CCDC13: variants seen among roughly 807,000 people sequenced by gnomAD.
CCDC13 encodes the protein coiled-coil domain-containing protein 13.
A neutral mutation model predicts 87.3 loss-of-function variants in CCDC13; 70 were observed. The observed-to-expected ratio is 0.80, with a 90% confidence interval of 0.66 to 0.98. The LOEUF is 0.98. Among genes scored for constraint, CCDC13 ranks in the 50% least tolerant of loss-of-function variants. The pLI, the probability that CCDC13 is intolerant of heterozygous loss-of-function variation, is 0.00. For synonymous variants in CCDC13, 317 were observed against 360.3 expected (o/e 0.88, Z 1.36); for missense variants, 842 against 892.0 (o/e 0.94, Z 0.71).
chr3:42,715,617 A>G (rs1698414324), intron 13 of CCDC13, among the ~76,000 whole-genome samples: 1 of 152,206 alleles, frequency 6.6e-6, no homozygotes, highest in Admixed American at 6.5e-5. Context: ...GTTGTAACAA[A>G]AAGAAAAAAA....
chr3:42,729,249 T>C (rs1698763601), intron 13 of CCDC13, among the ~76,000 whole-genome samples: 1 of 152,218 alleles, frequency 6.6e-6, no homozygotes, highest in Non-Finnish European at 1.5e-5. Flanking sequence ...ATTGAGTATG[T>C]TTCTACTACT....
chr3:42,727,208 C>T lies in CCDC13; in HGVS notation c.1718+3259G>A, dbSNP rs185252010. Among the ~76,000 whole-genome samples the T allele has an allele frequency of 2.1e-3, 326 of 152,036 alleles. 1 individual carries two copies. The highest frequency in any genetic ancestry group is 6.8e-3 in the Middle Eastern group (2 of 294). On this transcript the variant is annotated intron_variant, in intron 13 of 15. Transcript: ENST00000310232. ...CCAACATGGTGAAACCCCATCTCTA[C>T]TAAAAATACAAAAATTAGCTGGGCG...
chr3:42,757,289 TAGGTGGAC>T, intron 2 of CCDC13, 75 bp from the exon 3 acceptor site: 1 of 1,407,112 alleles, frequency 7.1e-7, no homozygotes, highest in Non-Finnish European at 9.7e-7. Context: ...CTCCACTGCC[TAGGTGGAC>T]AGATGGACAC....
At chr3:42,719,362 T>A (rs1266375960) in intron 13 of CCDC13, 1 of 150,492 alleles carries the variant, frequency 6.6e-6, no homozygotes, top group Admixed American at 6.6e-5. Context: ...CCTTCCCCAC[T>A]CTGCCTCAGG....
chr3:42,767,993 A>T (rs2125915532), intron 1 of CCDC13, among the ~76,000 whole-genome samples: 1 of 152,146 alleles, frequency 6.6e-6, no homozygotes, highest in African/African-American at 2.4e-5. Context: ...AAAAAGACTT[A>T]CTATAAAATG....
chr3:42,733,910 A>T (rs1559645283), intron 10 of CCDC13, among the ~76,000 whole-genome samples: 1 of 152,148 alleles, frequency 6.6e-6, no homozygotes, highest in Non-Finnish European at 1.5e-5. Context: ...TCAGAGACTG[A>T]CGTCTCTGAG....
At chr3:42,763,049 CAG>C (rs1183283309) in intron 1 of CCDC13, among the ~76,000 whole-genome samples, 1 of 152,218 alleles carries the variant, frequency 6.6e-6, no homozygotes, top group Non-Finnish European at 1.5e-5. Flanking sequence ...AGAACAGATT[CAG>C]AGTGACTCCA....
intron 13 of CCDC13, among the ~76,000 whole-genome samples, chr3:42,725,073 T>C (rs554154064): frequency 6.6e-6 from 1 of 152,152 alleles, no homozygotes; most frequent in African/African-American, 2.4e-5. Flanking sequence ...ATGTGGAAAA[T>C]ATACTTATCC....
intron 1 of CCDC13, among the ~76,000 whole-genome samples, chr3:42,761,662 T>C (rs986355211): frequency 6.6e-5 from 10 of 152,196 alleles, no homozygotes; most frequent in African/African-American, 2.4e-4. Context: ...GCTCTGAGCC[T>C]GACAGACTCC....
In CCDC13 at chr3:42,763,880, G is replaced by C. The variant is rs144726921; in HGVS notation, c.-6-5529C>G. Among the ~76,000 whole-genome samples the C allele has an allele frequency of 6.0e-4, 92 of 152,260 alleles. No individual in the cohort carries two copies. The South Asian group carries it at 6.2e-3, about 10-fold the overall frequency. On this transcript the variant is annotated intron_variant, in intron 1 of 15. Coordinates refer to ENST00000310232, the MANE Select transcript of CCDC13 (RefSeq NM_144719.4). ...AGCCCTCAGGAGATCCTGAGACCAC[G>C]TGCCCAAGGTGGTCAGGGCACAGCT...
chr3:42,749,683 T>C, intron 5 of CCDC13: 1 of 351,602 alleles, frequency 2.8e-6, no homozygotes, highest in Non-Finnish European at 5.6e-6. Flanking sequence ...AGTTCTTTCT[T>C]CCCAGAGTGA....
At chr3:42,771,765 C>T (rs990751302) in intron 1 of CCDC13, among the ~76,000 whole-genome samples, 3 of 145,822 alleles carry the variant, frequency 2.1e-5, no homozygotes, top group Admixed American at 1.4e-4. Context: ...AATACAGCAG[C>T]AGCAACAACA....
chr3:42,772,946 C>T (rs971782904), intron 1 of CCDC13, among the ~76,000 whole-genome samples: 1 of 152,228 alleles, frequency 6.6e-6, no homozygotes, highest in Non-Finnish European at 1.5e-5. Context: ...GCCTCATTAA[C>T]CCATGTACTG....
At chr3:42,712,795 C>A (rs1317106283) in intron 14 of CCDC13, among the ~76,000 whole-genome samples, 2 of 152,228 alleles carry the variant, frequency 1.3e-5, no homozygotes, top group African/African-American at 4.8e-5. Context: ...CCTGCTTCAG[C>A]CACTGTTGCT....
intron 15 of CCDC13, among the ~76,000 whole-genome samples, 172 bp downstream of exon 15, chr3:42,709,512 G>A (rs1003443625): frequency 1.3e-5 from 2 of 152,230 alleles, no homozygotes; most frequent in Non-Finnish European, 2.9e-5. Context: ...CGGGCCCTCT[G>A]TCCTCTGAAG....
intron 13 of CCDC13, 62 bp from the exon 14 acceptor site, chr3:42,713,378 C>G (rs1698359280): frequency 3.2e-6 from 5 of 1,568,378 alleles, no homozygotes; most frequent in Non-Finnish European, 4.4e-6. Flanking sequence ...CCCTACCCCA[C>G]TTGCTCAGGC....
intron 13 of CCDC13, among the ~76,000 whole-genome samples, chr3:42,723,192 G>T (rs1026227393): frequency 1.3e-5 from 2 of 152,158 alleles, no homozygotes; most frequent in Non-Finnish European, 2.9e-5. Flanking sequence ...CTCTCTTGGG[G>T]TCTGGATCAA....
intron 1 of CCDC13, 65 bp from the exon 2 acceptor site, chr3:42,758,416 G>T: frequency 3.4e-6 from 5 of 1,482,118 alleles, no homozygotes; most frequent in Middle Eastern, 4.9e-4. Context: ...CACACAGTCC[G>T]CCCTGTCTGC....
In CCDC13 at chr3:42,761,788, C is replaced by A. The variant is rs10490793; in HGVS notation, c.-6-3437G>T. On this transcript the variant is annotated intron_variant, in intron 1 of 15. Transcript: ENST00000310232. ...CCTGTTTTCCCTTTCATAATGCTAA[C>A]TTCTAGCTAGTTGTGTTGACTTGCT... Among the ~76,000 whole-genome samples, 1,824 of 152,228 alleles carry A rather than the reference C, an allele frequency of 0.012. 109 individuals are homozygous for A. In the East Asian group the frequency reaches 0.18, roughly 15 times the overall value.
Sources: allele counts gnomAD v4.1 joint callset (sites outside exome capture counted in the v4.1 genomes callset), GRCh38; gene constraint gnomAD v4.1.1; transcripts MANE v1.5; gene names NCBI Gene and HGNC (gene_info 2026-07-23, HGNC 2026-07-21).